The following STXBP3 variants were observed in gnomAD, a reference collection of about 807,000 sequenced individuals.
STXBP3 encodes the protein syntaxin-binding protein 3.
Under a neutral mutation model 85.7 loss-of-function variants are expected in STXBP3, and 41 were observed. The ratio of observed to expected loss-of-function variants is 0.48; its 90% CI spans 0.37 to 0.62. The LOEUF is 0.62. Among genes scored for constraint, STXBP3 ranks in the 20% least tolerant of loss-of-function variants. STXBP3 has a pLI of 0.00. For missense variants in STXBP3, 563 were observed against 703.1 expected (o/e 0.80, Z 2.25); for synonymous variants, 229 against 231.7 (o/e 0.99, Z 0.10).
intron 11 of STXBP3, among the ~76,000 whole-genome samples, chr1:108,787,772 T>C (rs1388310212): frequency 6.6e-6 from 1 of 152,002 alleles, no homozygotes; most frequent in Admixed American, 6.6e-5. Flanking sequence ...TTTATGTGTT[T>C]CTGTTTTTTG....
At chr1:108,798,399 T>G (rs1663160034) in intron 16 of STXBP3, among the ~76,000 whole-genome samples, 162 bp downstream of exon 16, 1 of 146,226 alleles carries the variant, frequency 6.8e-6, no homozygotes, top group Non-Finnish European at 1.5e-5. Context: ...TCTTGAAGAT[T>G]CTTCTTCTTT....
At position 108,776,441 on chromosome 1, in the gene STXBP3, A is replaced by G; in HGVS notation, c.684+18A>G. ...TAATAAAGGTAATGTATGCAAGGCA[A>G]GTAATGACTATGCATAAAGTCTGTC... On this transcript the variant is annotated intron_variant, in intron 8 of 18. Transcript: ENST00000370008. The G allele has an allele frequency of 2.6e-6, 4 of 1,552,800 alleles. No homozygotes were observed. Among genetic ancestry groups the G allele is most frequent in the Non-Finnish European group, 3.5e-6 (4 of 1,137,192 alleles).
intron 11 of STXBP3, among the ~76,000 whole-genome samples, chr1:108,784,700 T>C (rs944724449): frequency 2.0e-5 from 3 of 146,404 alleles, no homozygotes; most frequent in Admixed American, 6.8e-5. Flanking sequence ...AGTCCAGAGT[T>C]TCATCTGAGA....
At chr1:108,772,868 T>C (rs1327102136) in intron 7 of STXBP3, 49 bp downstream of exon 7, 2 of 1,435,176 alleles carry the variant, frequency 1.4e-6, no homozygotes, top group Non-Finnish European at 1.9e-6. Flanking sequence ...TTACCATTCA[T>C]TATAGAGGTA....
At chr1:108,765,012 G>GT (rs1662228151) in intron 6 of STXBP3, among the ~76,000 whole-genome samples, 1 of 152,088 alleles carries the variant, frequency 6.6e-6, no homozygotes, top group Non-Finnish European at 1.5e-5. Context: ...ATAGTTTTGG[G>GT]TTTTACCTTT....
intron 6 of STXBP3, among the ~76,000 whole-genome samples, chr1:108,771,541 CATATATAAATATATATGAT>C (rs1662418690): frequency 3.5e-5 from 2 of 57,044 alleles, no homozygotes; most frequent in African/African-American, 1.7e-4. Context: ...CTATATATAT[CATATATAAATATATATGAT>C]ATATAAATAT....
In STXBP3 at chr1:108,758,573, A is replaced by G. The variant is rs749229447; in HGVS notation, c.322A>G (p.Ile108Val). 1.3e-6 allele frequency: 2 copies of G among 1,526,356 alleles called. No homozygotes were observed. The highest frequency in any genetic ancestry group is 1.7e-4 in the Middle Eastern group (1 of 5,762). The allele number at this position is 1,526,356 out of a possible 1,614,324, so 94.6% of individuals were successfully genotyped here. ...KSENKYKAAYIYFTDFCPDNL... is the reference protein window; with the variant it reads ...KSENKYKAAYVYFTDFCPDNL... ...GGAGAACAAGTATAAAGCAGCATAT[A>G]TTTACTTCACTGACTGTAAGTCTTT... The change falls in exon 5 of 19, where the codon ATT becomes GTT. Residue 108 changes from isoleucine to valine, a missense_variant. Coordinates refer to ENST00000370008, the MANE Select transcript of STXBP3 (RefSeq NM_007269.4).
chr1:108,808,879 A>G lies in STXBP3; in HGVS notation c.*2A>G, dbSNP rs1149154. On this transcript the variant is annotated 3_prime_UTR_variant, in exon 19 of 19. Transcript: ENST00000370008. ...GTCTCCTTAATTAAAGATGAATAGC[A>G]TTTCTTTTTGGAGGGTTTAGAGATT... The G allele has an allele frequency of 0.26, 406,502 of 1,584,362 alleles. 62,230 individuals carry two copies. Among genetic ancestry groups the G allele is most frequent in the East Asian group, 0.78 (34,798 of 44,472 alleles).
At chr1:108,776,542 C>T (rs1662597883) in intron 8 of STXBP3, 119 bp downstream of exon 8, 3 of 610,648 alleles carry the variant, frequency 4.9e-6, no homozygotes, top group East Asian at 3.0e-5. Context: ...CATAGATCTC[C>T]AATACTGATT....
intron 11 of STXBP3, among the ~76,000 whole-genome samples, chr1:108,788,930 T>C (rs1008463716): frequency 6.6e-6 from 1 of 152,108 alleles, no homozygotes; most frequent in African/African-American, 2.4e-5. Context: ...CCGAGCTTGA[T>C]GGTGCCTACC....
chr1:108,787,216 C>A (rs764859630), intron 11 of STXBP3, among the ~76,000 whole-genome samples: 2 of 152,236 alleles, frequency 1.3e-5, no homozygotes, highest in East Asian at 1.9e-4. Context: ...GCAATCCCCC[C>A]ACCCTTGCCT....
intron 8 of STXBP3, among the ~76,000 whole-genome samples, chr1:108,779,009 G>A (rs375456253): frequency 6.6e-6 from 1 of 152,120 alleles, no homozygotes; most frequent in African/African-American, 2.4e-5. Context: ...TCAAACCCAA[G>A]TTATTAAATA....
At chr1:108,792,817 A>G (rs1450023059) in intron 11 of STXBP3, among the ~76,000 whole-genome samples, 1 of 152,236 alleles carries the variant, frequency 6.6e-6, no homozygotes, top group Non-Finnish European at 1.5e-5. Context: ...ACTTCATGTT[A>G]GACAATGTTA....
intron 4 of STXBP3, among the ~76,000 whole-genome samples, chr1:108,757,771 GAAAT>G (rs1204655453): frequency 2.0e-5 from 3 of 152,028 alleles, no homozygotes; most frequent in South Asian, 2.1e-4. Context: ...TTATTGTTAG[GAAAT>G]AAATAAATGG....
chr1:108,793,157 ATTTTT>A (rs745652259), intron 11 of STXBP3, among the ~76,000 whole-genome samples: 4 of 67,510 alleles, frequency 5.9e-5, no homozygotes, highest in South Asian at 1.1e-3. Context: ...TCTTATCTCC[ATTTTT>A]TTTTTTTTTT....
At chr1:108,806,982 G>A (rs867671624) in intron 17 of STXBP3, among the ~76,000 whole-genome samples, 66 of 152,228 alleles carry the variant, frequency 4.3e-4, no homozygotes, top group African/African-American at 1.5e-3. Flanking sequence ...GGCCGGGCGC[G>A]GTGGCTTATG....
Position 108,768,106 on chromosome 1 carries a change from G to A in STXBP3, c.439-4559G>A, listed in dbSNP as rs115292790. ...TTTGTTGGAGAAGCATCTTGTAGTC[G>A]GCCACAAAAGGAGGGAGATTCTCTT... On this transcript the variant is annotated intron_variant, in intron 6 of 18. Coordinates refer to ENST00000370008, the MANE Select transcript of STXBP3 (RefSeq NM_007269.4). 8.3e-3 allele frequency among the ~76,000 whole-genome samples: 1,264 copies of A among 152,146 alleles called. 9 individuals are homozygous for A. The highest frequency in any genetic ancestry group is 0.014 in the Non-Finnish European group (957 of 68,022).
At chr1:108,785,740 C>T (rs1662813030) in intron 11 of STXBP3, among the ~76,000 whole-genome samples, 1 of 152,114 alleles carries the variant, frequency 6.6e-6, no homozygotes, top group African/African-American at 2.4e-5. Flanking sequence ...TTTCTTCTGC[C>T]AGATAACCCT....
chr1:108,765,443 C>T (rs1260055512), intron 6 of STXBP3, among the ~76,000 whole-genome samples: 1 of 152,188 alleles, frequency 6.6e-6, no homozygotes, highest in Admixed American at 6.5e-5. Flanking sequence ...ATCTAGTTCC[C>T]TCAACCCCAT....
Sources: gnomAD v4.1 joint callset for allele counts (sites outside exome capture counted in the v4.1 genomes callset) on GRCh38, gnomAD v4.1.1 for gene constraint, MANE v1.5 for transcripts, NCBI Gene and HGNC (gene_info 2026-07-23, HGNC 2026-07-21) for gene names.